UBL3: variants seen among roughly 807,000 people sequenced by gnomAD.
The protein encoded by UBL3 is ubiquitin like 3.
A neutral mutation model predicts 18.4 loss-of-function variants in UBL3; 6 were observed. That is an observed-to-expected ratio of 0.33 (90% CI 0.18 to 0.64). The LOEUF is 0.64. Ranked by LOEUF, UBL3 falls within the 30% of genes least tolerant of loss-of-function variation. The pLI, the probability that UBL3 is intolerant of heterozygous loss-of-function variation, is 0.76. For synonymous variants in UBL3, 49 were observed against 46.6 expected (o/e 1.05, Z -0.21); for missense variants, 109 against 142.9 (o/e 0.76, Z 1.21).
Position 29,849,892 on chromosome 13 carries a change from T to G in UBL3, c.-354A>C, listed in dbSNP as rs1879326302. On this transcript the variant is annotated 5_prime_UTR_variant, in exon 1 of 5. Transcript: ENST00000380680. ...TGGAGAGGGGTGGGAGGGGGTTAAA[T>G]GCGCCTTCCTCCTTTCCCAGCCCCG... The G allele has an allele frequency of 2.3e-6, 1 of 429,522 alleles. No homozygotes were observed. The highest frequency in any genetic ancestry group is 3.8e-5 in the Admixed American group (1 of 26,378). The allele number at this position is 429,522 out of a possible 1,614,324, so 26.6% of individuals were successfully genotyped here. A position where few individuals can be genotyped will look rare whatever the true frequency, so the allele number is the denominator to read the frequency against.
intron 1 of UBL3, among the ~76,000 whole-genome samples, chr13:29,822,617 A>G (rs1878489223): frequency 6.6e-6 from 1 of 152,232 alleles, no homozygotes; most frequent in African/African-American, 2.4e-5. Context: ...AGCTCACTGC[A>G]GTCTCAAACT....
chr13:29,802,646 G>T (rs184812913), intron 1 of UBL3, among the ~76,000 whole-genome samples: 11 of 152,212 alleles, frequency 7.2e-5, no homozygotes, highest in African/African-American at 2.6e-4. Context: ...CACACTAAAA[G>T]AATTTCATAA....
At chr13:29,784,791 G>A (rs551429469) in intron 1 of UBL3, among the ~76,000 whole-genome samples, 2 of 152,164 alleles carry the variant, frequency 1.3e-5, no homozygotes, top group African/African-American at 2.4e-5. Flanking sequence ...AGTTGGTACA[G>A]GAATCTATTT....
chr13:29,808,404 A>G (rs1877950742), intron 1 of UBL3, among the ~76,000 whole-genome samples: 1 of 152,096 alleles, frequency 6.6e-6, no homozygotes, highest in African/African-American at 2.4e-5. Flanking sequence ...ATTTATGAAG[A>G]CATTCTAATA....
At chr13:29,804,847 A>G (rs1877861146) in intron 1 of UBL3, among the ~76,000 whole-genome samples, 1 of 152,220 alleles carries the variant, frequency 6.6e-6, no homozygotes, top group South Asian at 2.1e-4. Context: ...CCAAATTTCC[A>G]CAATGAACAT....
chr13:29,811,091 C>A (rs1322409774), intron 1 of UBL3, among the ~76,000 whole-genome samples: 2 of 151,968 alleles, frequency 1.3e-5, no homozygotes, highest in Non-Finnish European at 2.9e-5. Context: ...ACCCAGAACA[C>A]AATGTGATCT....
chr13:29,780,223 G>A (rs1028002885), intron 1 of UBL3, among the ~76,000 whole-genome samples: 83 of 151,004 alleles, frequency 5.5e-4, no homozygotes, highest in Non-Finnish European at 9.0e-4. Flanking sequence ...GCATGGTGGC[G>A]GGCACCTGTA....
intron 2 of UBL3, among the ~76,000 whole-genome samples, chr13:29,775,061 T>G (rs1876945288): frequency 6.6e-6 from 1 of 152,220 alleles, no homozygotes; most frequent in African/African-American, 2.4e-5. Context: ...TTATGGTGAC[T>G]CTACAGACAA....
At chr13:29,840,807 T>G (rs1593678115) in intron 1 of UBL3, among the ~76,000 whole-genome samples, 1 of 152,316 alleles carries the variant, frequency 6.6e-6, no homozygotes, top group Admixed American at 6.5e-5. Flanking sequence ...TTGTTTGTAA[T>G]AGCTTCTAAA....
chr13:29,797,034 T>A (rs949190831), intron 1 of UBL3, among the ~76,000 whole-genome samples: 8 of 152,188 alleles, frequency 5.3e-5, no homozygotes, highest in Admixed American at 3.3e-4. Flanking sequence ...TATACTGGCA[T>A]GGAATAAGCA....
At chr13:29,849,137 T>TA (rs1278851480) in intron 1 of UBL3, among the ~76,000 whole-genome samples, 1 of 152,228 alleles carries the variant, frequency 6.6e-6, no homozygotes, top group Non-Finnish European at 1.5e-5. Context: ...CCCGTTTCCC[T>TA]ACCTATTCTC....
chr13:29,823,112 GAAT>G (rs1215383897), intron 1 of UBL3, among the ~76,000 whole-genome samples: 3 of 152,138 alleles, frequency 2.0e-5, no homozygotes, highest in Non-Finnish European at 4.4e-5. Flanking sequence ...TAGAATGAAA[GAAT>G]AATAAACCAA....
rs1878913461 is a variant in UBL3, at chr13:29,835,136, AT to A, written c.27+14375del. 4.7e-3 allele frequency among the ~76,000 whole-genome samples: 41 copies of A among 8,724 alleles called. 1 individual carries two copies. The highest frequency in any genetic ancestry group is 6.6e-3 in the Non-Finnish European group (32 of 4,854). The allele number at this position is 8,724 out of a possible 152,430, so 5.7% of individuals were successfully genotyped here. ...TATATATATATATAAATATATATATATATATATATATATATATATATATATA... is the reference window on the plus strand; with the variant it reads ...TATATATATATATAAATATATATATAATATATATATATATATATATATATA... On this transcript the variant is annotated intron_variant, in intron 1 of 4. Transcript: ENST00000380680.
chr13:29,834,336 A>C (rs1878865091), intron 1 of UBL3, among the ~76,000 whole-genome samples: 1 of 152,090 alleles, frequency 6.6e-6, no homozygotes, highest in African/African-American at 2.4e-5. Flanking sequence ...TTTAAATATA[A>C]AAGGCTCAAA....
chr13:29,806,894 T>TTTA (rs1205156652), intron 1 of UBL3, among the ~76,000 whole-genome samples: 1 of 152,192 alleles, frequency 6.6e-6, no homozygotes, highest in Non-Finnish European at 1.5e-5. Flanking sequence ...ATTTTTAAGT[T>TTTA]TTATAATAAC....
At chr13:29,835,145 T>TAAAA in intron 1 of UBL3, among the ~76,000 whole-genome samples, 1 of 14,252 alleles carries the variant, frequency 7.0e-5, no homozygotes, top group South Asian at 2.4e-3. Flanking sequence ...TATATATATA[T>TAAAA]ATATATATAT....
intron 1 of UBL3, among the ~76,000 whole-genome samples, chr13:29,784,151 A>G (rs1877247582): frequency 6.6e-6 from 1 of 152,180 alleles, no homozygotes; most frequent in African/African-American, 2.4e-5. Flanking sequence ...AGATAGTATC[A>G]ATTTGGGGAA....
At chr13:29,785,192 C>A (rs9506226) in intron 1 of UBL3, among the ~76,000 whole-genome samples, 42,744 of 152,116 alleles carry the variant, frequency 0.28, 6,094 homozygotes, top group East Asian at 0.42. Context: ...AGGCATGAGC[C>A]TCCATGCCTG....
At chr13:29,780,410 A>G (rs1444997565) in intron 1 of UBL3, among the ~76,000 whole-genome samples, 23 of 132,072 alleles carry the variant, frequency 1.7e-4, no homozygotes, top group Non-Finnish European at 3.1e-4. Context: ...GTGTGTGTAT[A>G]TATATATAAT....
Sources: gnomAD v4.1 joint callset for allele counts (sites outside exome capture counted in the v4.1 genomes callset) on GRCh38, gnomAD v4.1.1 for gene constraint, MANE v1.5 for transcripts, NCBI Gene and HGNC (gene_info 2026-07-23, HGNC 2026-07-21) for gene names.